The following PDZD7 variants were observed in gnomAD, a reference collection of about 807,000 sequenced individuals.
The protein encoded by PDZD7 is PDZ domain-containing protein 7.
A neutral mutation model predicts 84.7 loss-of-function variants in PDZD7; 72 were observed. That is an observed-to-expected ratio of 0.85 (90% CI 0.70 to 1.03). The LOEUF is 1.03. Among genes scored for constraint, PDZD7 ranks in the 50% least tolerant of loss-of-function variants. The pLI, the probability that PDZD7 is intolerant of heterozygous loss-of-function variation, is 0.00. For missense variants in PDZD7, 1,490 were observed against 1,412.9 expected (o/e 1.05, Z -0.87); for synonymous variants, 594 against 580.7 (o/e 1.02, Z -0.33).
intron 16 of PDZD7, 48 bp downstream of exon 16, chr10:101,009,202 G>C: frequency 6.8e-7 from 1 of 1,463,098 alleles, no homozygotes; most frequent in Non-Finnish European, 9.2e-7. Flanking sequence ...CCTCCTGCCT[G>C]GTTTCAGCTG....
intron 7 of PDZD7, among the ~76,000 whole-genome samples, chr10:101,020,135 A>G (rs1334971960): frequency 1.3e-5 from 2 of 150,496 alleles, no homozygotes; most frequent in African/African-American, 2.4e-5. Flanking sequence ...TTTGAGATGG[A>G]GTTTCACTCT....
chr10:101,008,805 C>T lies in PDZD7; in HGVS notation c.2764G>A (p.Val922Met). The T allele has an allele frequency of 6.5e-7, 1 of 1,527,846 alleles. No individual in the cohort carries two copies. The highest frequency in any genetic ancestry group is 8.8e-7 in the Non-Finnish European group (1 of 1,140,970). The allele number at this position is 1,527,846 out of a possible 1,614,324, so 94.6% of individuals were successfully genotyped here. A position where few individuals can be genotyped will look rare whatever the true frequency, so the allele number is the denominator to read the frequency against. The part of the protein sequence containing the change: ...VAVDGENLEQ[V>M]THQRAVDTIR... The stretch of plus-strand genomic sequence containing the variant: ...GTGTCTACTGCACGCTGGTGGGTCA[C>T]CTGCTCTAGATTCTCTCCGTCCACT... The change falls in exon 17 of 17, where the codon GTG becomes ATG. Residue 922 changes from valine (V) to methionine (M), a missense_variant. Coordinates refer to ENST00000619208, the MANE Select transcript of PDZD7 (RefSeq NM_001195263.2).
rs1253278663 is a variant in PDZD7 at position 101,010,187 on chromosome 10, G to A, written c.2617+85C>T. 4.2e-6 allele frequency: 6 copies of A among 1,429,554 alleles called. No homozygotes were observed. The African/African-American group carries it at 4.3e-5, about 10-fold the overall frequency. 88.6% of individuals were successfully genotyped at this position (1,429,554 alleles called of 1,614,324 possible). A position where few individuals can be genotyped will look rare whatever the true frequency, so the allele number is the denominator to read the frequency against. On this transcript the variant is annotated intron_variant, in intron 15 of 16. Transcript: ENST00000619208. ...TGGGGTTACAGGTGTGAGCCTCTGCGCCTGGCCCAATACTCCTCCAGATTC... is the reference window on the plus strand; with the variant it reads ...TGGGGTTACAGGTGTGAGCCTCTGCACCTGGCCCAATACTCCTCCAGATTC...
At position 101,030,113 on chromosome 10, in the gene PDZD7, C is replaced by A. The variant is rs200080492; in HGVS notation, c.107G>T (p.Gly36Val). 1.2e-6 allele frequency: 2 copies of A among 1,614,180 alleles called. No individual in the cohort carries two copies. Among genetic ancestry groups the A allele is most frequent in the African/African-American group, 1.3e-5 (1 of 75,058 alleles). The change falls in exon 2 of 17, where the codon GGC (glycine) becomes GTC (valine). Residue 36 changes from glycine to valine, a missense_variant. Gly to Val is a moderately radical substitution (Grantham distance 109). Transcript: ENST00000619208. ...TAGCAGGTATCGCGTTGCGGTGGAG[C>A]CTGAGTCGCTGCCTAGGTGGCCTCG... ...SSRGHLGSDS[G>V]STATRYLLRK...
chr10:101,007,949 A>T lies in PDZD7; in HGVS notation c.*518T>A, dbSNP rs1213400652. 8.3e-6 allele frequency: 1 copy of T among 120,236 alleles called. No individual in the cohort carries two copies. The highest frequency in any genetic ancestry group is 1.6e-5 in the Non-Finnish European group (1 of 63,152). 7.4% of individuals were successfully genotyped at this position (120,236 alleles called of 1,614,324 possible). On this transcript the variant is annotated 3_prime_UTR_variant, in exon 17 of 17. Transcript: ENST00000619208. ...CTCTCTTGGGGAGAAAAGGTGATGG[A>T]GGAAGGACAAATCCAGTAGAATGTC...
chr10:101,018,580 G>A (rs908898033), intron 8 of PDZD7, among the ~76,000 whole-genome samples: 1 of 152,196 alleles, frequency 6.6e-6, no homozygotes, highest in Non-Finnish European at 1.5e-5. Flanking sequence ...GGGAACTCCA[G>A]GATCCAGGGG....
At chr10:101,014,637 T>C (rs1415842518) in intron 11 of PDZD7, among the ~76,000 whole-genome samples, 1 of 151,476 alleles carries the variant, frequency 6.6e-6, no homozygotes, top group African/African-American at 2.4e-5. Context: ...GATGCATAAA[T>C]GACCATGTCT....
intron 11 of PDZD7, among the ~76,000 whole-genome samples, chr10:101,014,422 A>G (rs1184481704): frequency 6.6e-6 from 1 of 152,012 alleles, no homozygotes; most frequent in Non-Finnish European, 1.5e-5. Context: ...GGGATGAGGG[A>G]AAAGGAGCCT....
At position 101,020,626 on chromosome 10, in the gene PDZD7, A is replaced by G; in HGVS notation, c.920T>C (p.Leu307Pro). ...AGATCTGAGCCACTTACGTCGGTCC[A>G]GCCAGCAGTACTCAGAAACCATCTC... ...YKEMVSEYCW[L>P]DRLSNGVLQQ... Residue 307 changes from leucine to proline, a missense_variant, in exon 7 of 17, where the codon CTG (leucine) becomes CCG (proline). By Grantham distance (98) the Leu-to-Pro change is moderately conservative. Transcript: ENST00000619208. 6.2e-7 allele frequency: 1 copy of G among 1,613,936 alleles called. No individual in the cohort carries two copies. The highest frequency in any genetic ancestry group is 8.5e-7 in the Non-Finnish European group (1 of 1,179,852).
In PDZD7 at chr10:101,011,164, C is replaced by T. The variant is rs1487606940; in HGVS notation, c.2006-281G>A. ...CAAGCGAGTCTCCTGCCTCAGCCTC[C>T]CGGAGTAGCTGGGATTACAGGCGTG... On this transcript the variant is annotated intron_variant, in intron 14 of 16. Transcript: ENST00000619208. 13 of 873,912 alleles carry T rather than the reference C, an allele frequency of 1.5e-5. No individual in the cohort carries two copies. In the East Asian group the frequency reaches 4.7e-4, roughly 31 times the overall value. 54.1% of individuals were successfully genotyped at this position (873,912 alleles called of 1,614,324 possible). A position where few individuals can be genotyped will look rare whatever the true frequency, so the allele number is the denominator to read the frequency against.
intron 2 of PDZD7, among the ~76,000 whole-genome samples, chr10:101,024,543 G>A (rs905648810): frequency 2.6e-5 from 4 of 152,050 alleles, no homozygotes; most frequent in Non-Finnish European, 4.4e-5. Context: ...TATCCTGCCC[G>A]CTCTGAGTGA....
In PDZD7 at chr10:101,017,824, AAGG is replaced by A. The variant is rs1590056085; in HGVS notation, c.1522+272_1522+274del. 6 of 307,324 alleles carry A rather than the reference AAGG, an allele frequency of 2.0e-5. No individual in the cohort carries two copies. In the East Asian group the frequency reaches 2.7e-4, roughly 14 times the overall value. 19.0% of individuals were successfully genotyped at this position (307,324 alleles called of 1,614,324 possible). ...GAAAGAAAAAGAAAGAAAGGAAAGA[AAGG>A]AAGGAAGGAAGGAAAGAAAGAAAGA... On this transcript the variant is annotated intron_variant, in intron 9 of 16. Coordinates refer to ENST00000619208, the MANE Select transcript of PDZD7 (RefSeq NM_001195263.2).
rs200089158 is a variant in PDZD7 at position 101,023,899 on chromosome 10, G to A, written c.367+29C>T. On this transcript the variant is annotated intron_variant, in intron 3 of 16. Coordinates refer to ENST00000619208, the MANE Select transcript of PDZD7 (RefSeq NM_001195263.2). ...CTGAGATTGGAGTCACATCCTAAGC[G>A]TGGACTTCAGCCTGGGGGTTCTGCT... The A allele has an allele frequency of 1.0e-4, 166 of 1,614,174 alleles. No homozygotes were observed. The East Asian group carries it at 3.3e-3, about 32-fold the overall frequency.
At chr10:101,022,573 G>A (rs1334317451) in intron 4 of PDZD7, among the ~76,000 whole-genome samples, 188 bp from the exon 5 acceptor site, 2 of 152,040 alleles carry the variant, frequency 1.3e-5, no homozygotes, top group East Asian at 3.9e-4. Flanking sequence ...TTATTGAGCA[G>A]CTGCAATGTG....
chr10:101,023,709 T>C, intron 3 of PDZD7, 99 bp from the exon 4 acceptor site: 1 of 1,496,876 alleles, frequency 6.7e-7, no homozygotes, highest in Non-Finnish European at 9.1e-7. Flanking sequence ...AGCTTCTCAA[T>C]CAGAGTGAGG....
At chr10:101,029,789 T>C (rs1410463524) in intron 2 of PDZD7, among the ~76,000 whole-genome samples, 1 of 152,158 alleles carries the variant, frequency 6.6e-6, no homozygotes, top group African/African-American at 2.4e-5. Flanking sequence ...TCTACGACCC[T>C]GGACCCCTGC....
intron 2 of PDZD7, 135 bp downstream of exon 2, chr10:101,029,855 AGGCG>A: frequency 3.5e-6 from 3 of 855,226 alleles, no homozygotes; most frequent in African/African-American, 1.7e-5. Context: ...ATGGGTTCCC[AGGCG>A]GCCTGCCACC....
chr10:101,029,856 G>T, intron 2 of PDZD7, 138 bp downstream of exon 2: 2 of 867,986 alleles, frequency 2.3e-6, no homozygotes, highest in Non-Finnish European at 3.6e-6. Flanking sequence ...TGGGTTCCCA[G>T]GCGGCCTGCC....
chr10:101,010,988 AGG>A, intron 14 of PDZD7, 105 bp from the exon 15 acceptor site: 1 of 1,523,110 alleles, frequency 6.6e-7, no homozygotes, highest in Middle Eastern at 2.3e-4. Context: ...GAGTTTGTTC[AGG>A]CACCACTGCA....
Sources: allele counts gnomAD v4.1 joint callset (sites outside exome capture counted in the v4.1 genomes callset), GRCh38; gene constraint gnomAD v4.1.1; transcripts MANE v1.5; gene names NCBI Gene and HGNC (gene_info 2026-07-23, HGNC 2026-07-21).